MEI4: variants seen among roughly 807,000 people sequenced by gnomAD.
MEI4 encodes meiosis-specific protein MEI4.
MEI4 carries 27 observed loss-of-function variants against 31.4 expected under a neutral mutation model. The observed-to-expected ratio is 0.86, with a 90% confidence interval of 0.63 to 1.19. MEI4 has a LOEUF of 1.19. MEI4 is among the 50% of genes most tolerant of loss of function. The pLI, the probability that MEI4 is intolerant of heterozygous loss-of-function variation, is 0.00. For missense variants in MEI4, 329 were observed against 398.9 expected (o/e 0.82, Z 1.49); for synonymous variants, 122 against 145.4 (o/e 0.84, Z 1.16).
In MEI4 at chr6:77,820,365, A is replaced by G. The variant is rs979184555; in HGVS notation, c.769-8566A>G. Among the ~76,000 whole-genome samples, 5 of 152,020 alleles carry G rather than the reference A, an allele frequency of 3.3e-5. No homozygotes were observed. Among genetic ancestry groups the G allele is most frequent in the Admixed American group, 6.6e-5 (1 of 15,250 alleles). On this transcript the variant is annotated intron_variant, in intron 3 of 4. Coordinates refer to ENST00000684080, the MANE Select transcript of MEI4 (RefSeq NM_001322247.2). This position sits in a 1 kb window ranked among gnomAD's most constrained non-coding sequence, Gnocchi z 4.5. ...CAGCTTCCACCGCTCGGGTTCAAGC[A>G]GTTCTCCTGCCTCAGCCTCCTGAGT...
chr6:77,849,042 G>C (rs1187393097), intron 4 of MEI4, among the ~76,000 whole-genome samples: 2 of 151,926 alleles, frequency 1.3e-5, no homozygotes, highest in Non-Finnish European at 2.9e-5. Flanking sequence ...TAATATAATT[G>C]CTGGGTTTTT....
At chr6:77,910,820 G>GT (rs891682222) in intron 4 of MEI4, among the ~76,000 whole-genome samples, 1 of 151,008 alleles carries the variant, frequency 6.6e-6, no homozygotes, top group Non-Finnish European at 1.5e-5. Context: ...TCTATTTTTT[G>GT]TTTTTTTGAG....
At chr6:77,733,443 A>G (rs1386840996) in intron 2 of MEI4, among the ~76,000 whole-genome samples, 1 of 151,948 alleles carries the variant, frequency 6.6e-6, no homozygotes, top group Non-Finnish European at 1.5e-5. Flanking sequence ...CTCTGATGGT[A>G]GTTTGTATTT....
At chr6:77,695,592 T>A (rs899901891) in intron 2 of MEI4, among the ~76,000 whole-genome samples, 1 of 152,080 alleles carries the variant, frequency 6.6e-6, no homozygotes, top group Non-Finnish European at 1.5e-5. Flanking sequence ...GGCATTATTT[T>A]TGAGGGCTCT....
chr6:77,809,535 T>C (rs1769521838), intron 3 of MEI4, among the ~76,000 whole-genome samples: 1 of 152,226 alleles, frequency 6.6e-6, no homozygotes, highest in Non-Finnish European at 1.5e-5. Context: ...TCACTTCTGT[T>C]CACTTAGTTG....
At chr6:77,813,502 C>CTT (rs35823691) in intron 3 of MEI4, among the ~76,000 whole-genome samples, 59 of 146,182 alleles carry the variant, frequency 4.0e-4, no homozygotes, top group East Asian at 8.0e-4. Flanking sequence ...TCAGGACATT[C>CTT]TTTTTTTTTT....
At chr6:77,734,827 C>T (rs1360590280) in intron 2 of MEI4, among the ~76,000 whole-genome samples, 1 of 151,778 alleles carries the variant, frequency 6.6e-6, no homozygotes, top group East Asian at 1.9e-4. Context: ...TAGGGCAGGC[C>T]TGGTTGTGAC....
At chr6:77,677,142 TTAAGA>T (rs1305207857) in intron 1 of MEI4, among the ~76,000 whole-genome samples, 2 of 152,242 alleles carry the variant, frequency 1.3e-5, no homozygotes, top group African/African-American at 4.8e-5. Context: ...TACCTTTGAA[TTAAGA>T]TAACAGTTGA....
At chr6:77,660,689 CGAGT>C (rs1768488386) in intron 1 of MEI4, among the ~76,000 whole-genome samples, 1 of 151,934 alleles carries the variant, frequency 6.6e-6, no homozygotes, top group Non-Finnish European at 1.5e-5. Flanking sequence ...TTCAGAAATA[CGAGT>C]GAGTTTAAGG....
intron 4 of MEI4, among the ~76,000 whole-genome samples, chr6:77,838,344 T>G (rs1253825158): frequency 6.6e-6 from 1 of 152,162 alleles, no homozygotes; most frequent in South Asian, 2.1e-4. Context: ...GGAGAGGTAC[T>G]GAATTAGTCT....
chr6:77,688,684 G>A (rs1225340816), intron 1 of MEI4, among the ~76,000 whole-genome samples: 1 of 151,910 alleles, frequency 6.6e-6, no homozygotes, highest in African/African-American at 2.4e-5. Context: ...TTTTAGCCTG[G>A]AATCCCACTG....
At chr6:77,667,695 C>T (rs1010956535) in intron 1 of MEI4, among the ~76,000 whole-genome samples, 20 of 152,148 alleles carry the variant, frequency 1.3e-4, no homozygotes, top group African/African-American at 3.9e-4. Flanking sequence ...GACAAGAGAG[C>T]AGTTAATTTC....
intron 1 of MEI4, among the ~76,000 whole-genome samples, chr6:77,657,983 C>T (rs1175078973): frequency 1.3e-5 from 2 of 152,166 alleles, no homozygotes; most frequent in South Asian, 2.1e-4. Flanking sequence ...GATTTGGAGG[C>T]GTGAGCCTGG....
chr6:77,765,177 CT>C (rs755921789), intron 3 of MEI4, among the ~76,000 whole-genome samples: 2 of 152,124 alleles, frequency 1.3e-5, no homozygotes, highest in African/African-American at 2.4e-5. Context: ...GGGCTAAATA[CT>C]AAGCATAATT....
In MEI4 at chr6:77,802,718, C is replaced by G. The variant is rs536238191; in HGVS notation, c.769-26213C>G. On this transcript the variant is annotated intron_variant, in intron 3 of 4. Transcript: ENST00000684080. ...CTTATCTGTAAAGGATTTTATTTAT[C>G]CTTCACTTCTGAAGCTTAGTTTATC... Among the ~76,000 whole-genome samples the G allele has an allele frequency of 2.8e-4, 43 of 152,184 alleles. No individual in the cohort carries two copies. The South Asian group carries it at 8.7e-3, about 31-fold the overall frequency.
chr6:77,700,175 T>A (rs1052787729), intron 2 of MEI4, among the ~76,000 whole-genome samples: 5 of 152,222 alleles, frequency 3.3e-5, no homozygotes, highest in Admixed American at 3.3e-4. Flanking sequence ...TTTGTTTGTC[T>A]GTGCCCTGCC....
intron 1 of MEI4, among the ~76,000 whole-genome samples, chr6:77,664,207 C>T (rs553789552): frequency 1.0e-3 from 158 of 152,052 alleles, no homozygotes; most frequent in African/African-American, 3.5e-3. Context: ...GTTTGAGGGC[C>T]GGAATTTAAT....
chr6:77,761,577 G>C lies in MEI4; in HGVS notation c.680G>C (p.Ser227Thr). The C allele has an allele frequency of 8.1e-7, 1 of 1,231,884 alleles. No homozygotes were observed. The highest frequency in any genetic ancestry group is 1.0e-6 in the Non-Finnish European group (1 of 987,796). The allele number at this position is 1,231,884 out of a possible 1,614,324, so 76.3% of individuals were successfully genotyped here. A position where few individuals can be genotyped will look rare whatever the true frequency, so the allele number is the denominator to read the frequency against. Residue 227 changes from serine (S) to threonine (T), a missense_variant, in exon 3 of 5, where the codon AGT (serine) becomes ACT (threonine). Ser to Thr is a moderately conservative substitution (Grantham distance 58). Transcript: ENST00000684080. ...ASLISDYNLS[S>T]HILKKCSKKL... The stretch of plus-strand genomic sequence containing the variant: ...CTGATCAGTGACTATAACTTATCTA[G>C]TCATATTCTTAAAAAGTGTTCCAAG...
At chr6:77,697,181 CG>C (rs1308338013) in intron 2 of MEI4, among the ~76,000 whole-genome samples, 2 of 151,952 alleles carry the variant, frequency 1.3e-5, no homozygotes, top group Non-Finnish European at 2.9e-5. Context: ...GTGTTGCTAG[CG>C]GTCTATCAAT....
Sources: allele counts gnomAD v4.1 joint callset (sites outside exome capture counted in the v4.1 genomes callset), GRCh38; gene constraint gnomAD v4.1.1; non-coding constraint Gnocchi (gnomAD v3.1); transcripts MANE v1.5; gene names NCBI Gene and HGNC (gene_info 2026-07-23, HGNC 2026-07-21).